Variants in PPP2R5A observed in about 807,000 individuals in gnomAD.
PPP2R5A encodes protein phosphatase 2 regulatory subunit B'alpha.
PPP2R5A carries 25 observed loss-of-function variants against 64.2 expected under a neutral mutation model. That is an observed-to-expected ratio of 0.39 (90% confidence interval 0.28 to 0.54). PPP2R5A has a LOEUF of 0.54. Ranked by LOEUF, PPP2R5A falls within the 20% of genes least tolerant of loss-of-function variation. The pLI is 0.67. For missense variants in PPP2R5A, 425 were observed against 576.3 expected (o/e 0.74, Z 2.69); for synonymous variants, 198 against 201.2 (o/e 0.98, Z 0.13).
intron 1 of PPP2R5A, among the ~76,000 whole-genome samples, chr1:212,327,291 A>G (rs1659422426): frequency 6.6e-6 from 1 of 152,246 alleles, no homozygotes; most frequent in Non-Finnish European, 1.5e-5. Flanking sequence ...TTCCTTGTTT[A>G]TAGAATGAAA....
At chr1:212,309,014 GATAT>G in intron 1 of PPP2R5A, 3 of 651,546 alleles carry the variant, frequency 4.6e-6, no homozygotes, top group East Asian at 2.7e-5. Context: ...ATGGTGAAAA[GATAT>G]ATATATATAT....
At chr1:212,301,443 AATAC>A (rs1158090396) in intron 1 of PPP2R5A, among the ~76,000 whole-genome samples, 27 of 152,358 alleles carry the variant, frequency 1.8e-4, no homozygotes, top group Non-Finnish European at 2.9e-5. Flanking sequence ...TTCTTAAAAT[AATAC>A]ATACATTTAT....
intron 1 of PPP2R5A, among the ~76,000 whole-genome samples, chr1:212,295,193 G>C (rs1658670023): frequency 6.6e-6 from 1 of 152,158 alleles, no homozygotes; most frequent in Non-Finnish European, 1.5e-5. Flanking sequence ...ACACTAGTGA[G>C]GATACTGACA....
At chr1:212,292,295 G>A (rs1658614128) in intron 1 of PPP2R5A, among the ~76,000 whole-genome samples, 1 of 152,146 alleles carries the variant, frequency 6.6e-6, no homozygotes, top group Non-Finnish European at 1.5e-5. Context: ...TTTGTTGTTT[G>A]GGTGGCTTTT....
chr1:212,321,626 G>A (rs1453838100), intron 1 of PPP2R5A, among the ~76,000 whole-genome samples: 2 of 144,872 alleles, frequency 1.4e-5, no homozygotes, highest in African/African-American at 5.7e-5. Context: ...CATCTCAGAC[G>A]ATGGGCGGCC....
chr1:212,308,135 T>C (rs189011533), intron 1 of PPP2R5A, among the ~76,000 whole-genome samples: 1 of 152,262 alleles, frequency 6.6e-6, no homozygotes, highest in Admixed American at 6.5e-5. Flanking sequence ...TTATTGGATA[T>C]AGGATTTTTG....
chr1:212,312,124 C>T (rs761186124), intron 1 of PPP2R5A, among the ~76,000 whole-genome samples: 5 of 152,164 alleles, frequency 3.3e-5, no homozygotes, highest in African/African-American at 9.7e-5. Context: ...TTTTTTATTG[C>T]ACCTTTCTAT....
At chr1:212,342,573 TG>T in intron 4 of PPP2R5A, among the ~76,000 whole-genome samples, 1 of 152,324 alleles carries the variant, frequency 6.6e-6, no homozygotes, top group Non-Finnish European at 1.5e-5. Context: ...TGAGAAAATG[TG>T]GTATGACCAT....
intron 1 of PPP2R5A, among the ~76,000 whole-genome samples, chr1:212,320,092 GCCTT>G (rs1340698834): frequency 7.2e-5 from 11 of 151,818 alleles, no homozygotes; most frequent in African/African-American, 2.7e-4. Context: ...GGACCCTGCG[GCCTT>G]CCGCAGTGTT....
At chr1:212,303,346 T>C (rs937715088) in intron 1 of PPP2R5A, among the ~76,000 whole-genome samples, 5 of 152,278 alleles carry the variant, frequency 3.3e-5, no homozygotes, top group Non-Finnish European at 1.5e-5. Context: ...ACTAATGATG[T>C]CAAGTGTCTT....
At chr1:212,307,022 G>A (rs1023892958) in intron 1 of PPP2R5A, 6 of 150,944 alleles carry the variant, frequency 4.0e-5, no homozygotes, top group Admixed American at 3.9e-4. Context: ...TGCCTCCCAA[G>A]TGCTGGGATT....
intron 3 of PPP2R5A, chr1:212,333,805 T>G: frequency 2.5e-6 from 1 of 403,998 alleles, no homozygotes; most frequent in South Asian, 6.4e-5. Flanking sequence ...ATTTAAACCA[T>G]TTTGAAGTGT....
chr1:212,318,066 A>T (rs1298473792), intron 1 of PPP2R5A, among the ~76,000 whole-genome samples: 1 of 152,234 alleles, frequency 6.6e-6, no homozygotes, highest in Non-Finnish European at 1.5e-5. Context: ...AAGGTATGTT[A>T]ATAATCCTCC....
chr1:212,346,050 G>A, intron 5 of PPP2R5A, 117 bp downstream of exon 5: 1 of 1,003,430 alleles, frequency 1.0e-6, no homozygotes, highest in Non-Finnish European at 1.4e-6. Flanking sequence ...CATCCAGGCT[G>A]GAGTGCAGTG....
chr1:212,286,149 C>A lies in PPP2R5A; in HGVS notation c.39C>A (p.Ala13=), dbSNP rs1299342961. Residue 13 remains alanine (A), a synonymous_variant, in exon 1 of 13, where the codon GCC becomes GCA. Transcript: ENST00000261461. ...CGCCGCCGGCGGGGGCTGCCAGCGC[C>A]GCCATCTCGGCCTCGGAGAAAGTGG... ...SSSPPAGAAS[A]AISASEKVDG... is the part of the protein sequence containing the mutation. The A allele has an allele frequency of 3.1e-6, 5 of 1,587,662 alleles. No individual in the cohort carries two copies. Among genetic ancestry groups the A allele is most frequent in the Non-Finnish European group, 3.4e-6 (4 of 1,169,138 alleles).
intron 1 of PPP2R5A, among the ~76,000 whole-genome samples, chr1:212,323,192 A>G (rs567185196): frequency 6.6e-6 from 1 of 152,324 alleles, no homozygotes; most frequent in South Asian, 2.1e-4. Flanking sequence ...TGTGGTAAAT[A>G]TATACTGTGG....
rs1558138694 is a variant in PPP2R5A, at chr1:212,297,093, C to CCTCT, written c.181+10802_181+10803insCTCT. Among the ~76,000 whole-genome samples the CCTCT allele has an allele frequency of 2.4e-5, 2 of 81,916 alleles. 1 individual carries two copies. Among genetic ancestry groups the CCTCT allele is most frequent in the African/African-American group, 1.0e-4 (2 of 19,982 alleles). 53.7% of individuals were successfully genotyped at this position (81,916 alleles called of 152,430 possible). A position where few individuals can be genotyped will look rare whatever the true frequency, so the allele number is the denominator to read the frequency against. On this transcript the variant is annotated intron_variant, in intron 1 of 12. Transcript: ENST00000261461. ...ACGTTTCTTTTCTTTTTCTTTGCTT[C>CCTCT]TTCTTTTTTTTTTTTTTTTTTTTTT...
chr1:212,308,344 T>C (rs1658958667), intron 1 of PPP2R5A, among the ~76,000 whole-genome samples: 1 of 151,906 alleles, frequency 6.6e-6, no homozygotes, highest in African/African-American at 2.4e-5. Context: ...GTGGATCTTG[T>C]TGAGTTTATC....
intron 1 of PPP2R5A, among the ~76,000 whole-genome samples, chr1:212,295,300 A>G (rs1486170648): frequency 6.6e-6 from 1 of 152,214 alleles, no homozygotes; most frequent in South Asian, 2.1e-4. Flanking sequence ...ACGATGATAC[A>G]TTTCTAACTT....
Sources: allele counts gnomAD v4.1 joint callset (sites outside exome capture counted in the v4.1 genomes callset), GRCh38; gene constraint gnomAD v4.1.1; transcripts MANE v1.5; gene names NCBI Gene and HGNC (gene_info 2026-07-23, HGNC 2026-07-21).